SDK1: variants seen among roughly 807,000 people sequenced by gnomAD.
SDK1 encodes the protein sidekick cell adhesion molecule 1, also known as protein sidekick-1.
A neutral mutation model predicts 245.5 loss-of-function variants in SDK1; 157 were observed. The observed-to-expected ratio is 0.64, with a 90% CI of 0.56 to 0.73. The LOEUF is 0.73. SDK1 is among the 30% of genes least tolerant of loss of function. The pLI, the probability that SDK1 is intolerant of heterozygous loss-of-function variation, is 0.00. For synonymous variants in SDK1, 1,647 were observed against 1,278.5 expected (o/e 1.29, Z -6.15); for missense variants, 3,583 against 3,002.3 (o/e 1.19, Z -4.52).
chr7:3,545,383 C>T (rs1350555013), intron 1 of SDK1, among the ~76,000 whole-genome samples: 1 of 152,142 alleles, frequency 6.6e-6, no homozygotes, highest in African/African-American at 2.4e-5. Context: ...TGAAAATGTT[C>T]ATCTTTCATG....
intron 1 of SDK1, among the ~76,000 whole-genome samples, chr7:3,329,246 C>A (rs909167171): frequency 6.6e-6 from 1 of 152,132 alleles, no homozygotes; most frequent in South Asian, 2.1e-4. Context: ...TTCTAAACCA[C>A]GTCCATGAGG....
At chr7:3,577,346 G>C (rs1780326986) in intron 1 of SDK1, among the ~76,000 whole-genome samples, 1 of 152,056 alleles carries the variant, frequency 6.6e-6, no homozygotes, top group Admixed American at 6.5e-5. Context: ...TTGAAGGATA[G>C]GTATCCAGGC....
intron 4 of SDK1, among the ~76,000 whole-genome samples, chr7:3,679,034 A>G (rs1257084400): frequency 1.3e-5 from 2 of 152,256 alleles, no homozygotes; most frequent in African/African-American, 4.8e-5. Context: ...TTCAGAGCCT[A>G]CGGATTAGTG....
At chr7:3,355,654 C>T (rs1780772374) in intron 1 of SDK1, among the ~76,000 whole-genome samples, 1 of 152,182 alleles carries the variant, frequency 6.6e-6, no homozygotes, top group African/African-American at 2.4e-5. Flanking sequence ...GGAATACCCT[C>T]AGCTTTCCAC....
intron 1 of SDK1, among the ~76,000 whole-genome samples, chr7:3,410,486 G>A (rs1028340604): frequency 4.7e-5 from 7 of 150,528 alleles, no homozygotes; most frequent in Admixed American, 1.3e-4. Flanking sequence ...CTCAATTTGT[G>A]TACACATCTT....
intron 5 of SDK1, among the ~76,000 whole-genome samples, chr7:3,947,011 G>A (rs1780604210): frequency 1.3e-5 from 2 of 152,306 alleles, no homozygotes; most frequent in Admixed American, 6.5e-5. Flanking sequence ...GCCAATTTTA[G>A]ACGTTACCTA....
chr7:3,305,019 T>C (rs1779380937), intron 1 of SDK1, among the ~76,000 whole-genome samples: 1 of 152,218 alleles, frequency 6.6e-6, no homozygotes, highest in South Asian at 2.1e-4. Context: ...GATTTCCCTT[T>C]CATGCCTTCC....
intron 13 of SDK1, among the ~76,000 whole-genome samples, chr7:3,979,338 C>G (rs116543335): frequency 3.7e-4 from 56 of 152,342 alleles, no homozygotes; most frequent in African/African-American, 1.3e-3. Context: ...GCTGTTCCCC[C>G]CTTTCCTAAC....
intron 4 of SDK1, among the ~76,000 whole-genome samples, chr7:3,743,143 G>C (rs758212880): frequency 2.0e-5 from 3 of 152,172 alleles, no homozygotes; most frequent in Non-Finnish European, 4.4e-5. Context: ...AGAGTAATAC[G>C]TAAGCAGACC....
chr7:3,626,670 C>G (rs1782129989), intron 2 of SDK1, among the ~76,000 whole-genome samples: 2 of 152,242 alleles, frequency 1.3e-5, no homozygotes, highest in Admixed American at 1.3e-4. Context: ...TGGCACCAGC[C>G]CTAGTGTCTT....
intron 5 of SDK1, among the ~76,000 whole-genome samples, chr7:3,842,370 G>A (rs948090397): frequency 1.3e-5 from 2 of 152,302 alleles, no homozygotes; most frequent in South Asian, 2.1e-4. Context: ...CACCGTACTG[G>A]CCTGGGTACT....
At chr7:3,618,307 T>C (rs1034715492) in intron 1 of SDK1, among the ~76,000 whole-genome samples, 1 of 152,240 alleles carries the variant, frequency 6.6e-6, no homozygotes, top group African/African-American at 2.4e-5. Context: ...CCCCCGTCGC[T>C]ATCCCATCCC....
intron 3 of SDK1, among the ~76,000 whole-genome samples, chr7:3,640,791 C>G (rs1435321424): frequency 1.3e-5 from 2 of 151,934 alleles, no homozygotes; most frequent in Non-Finnish European, 2.9e-5. Flanking sequence ...TCAAGTGATT[C>G]TCCTGCTTCA....
intron 1 of SDK1, among the ~76,000 whole-genome samples, chr7:3,567,956 A>T (rs192253033): frequency 2.0e-5 from 3 of 152,122 alleles, no homozygotes; most frequent in African/African-American, 7.2e-5. Context: ...AGCTGGGACC[A>T]CAGGTATGCA....
chr7:3,968,327 C>T (rs1782233990), intron 10 of SDK1, among the ~76,000 whole-genome samples: 1 of 152,220 alleles, frequency 6.6e-6, no homozygotes, highest in African/African-American at 2.4e-5. Context: ...CAGAGTCCAT[C>T]CTGAACAAGT....
At chr7:3,486,315 T>C (rs1391056062) in intron 1 of SDK1, among the ~76,000 whole-genome samples, 1 of 152,064 alleles carries the variant, frequency 6.6e-6, no homozygotes. Flanking sequence ...TCTTTTTTCT[T>C]AGTTAGACTT....
At chr7:4,067,227 A>T (rs1000617006) in intron 19 of SDK1, among the ~76,000 whole-genome samples, 1 of 152,166 alleles carries the variant, frequency 6.6e-6, no homozygotes, top group Admixed American at 6.5e-5. Flanking sequence ...TTCAAGCGTA[A>T]CTCTGCGGCT....
chr7:3,952,217 C>A (rs1780890734), intron 7 of SDK1: 1 of 395,470 alleles, frequency 2.5e-6, no homozygotes, highest in South Asian at 2.8e-5. Flanking sequence ...CTCTCCTATT[C>A]TAGCTTTAGG....
chr7:3,666,367 C>G (rs1783532564), intron 4 of SDK1, among the ~76,000 whole-genome samples: 1 of 152,328 alleles, frequency 6.6e-6, no homozygotes, highest in Non-Finnish European at 1.5e-5. Context: ...CATGCCGTCC[C>G]CCTGCCTGGA....
Sources: gnomAD v4.1 joint callset for allele counts (sites outside exome capture counted in the v4.1 genomes callset) on GRCh38, gnomAD v4.1.1 for gene constraint, MANE v1.5 for transcripts, NCBI Gene and HGNC (gene_info 2026-07-23, HGNC 2026-07-21) for gene names.